The following INTS11 variants were observed in gnomAD, a reference collection of about 807,000 sequenced individuals.
The protein encoded by INTS11 is integrator complex subunit 11, also known as CPSF3-like protein.
A neutral mutation model predicts 78.6 loss-of-function variants in INTS11; 77 were observed. That is an observed-to-expected ratio of 0.98 (90% CI 0.81 to 1.18). The LOEUF (loss-of-function observed/expected upper bound fraction) is 1.18, where lower values mean the gene tolerates loss of function less well. Among genes scored for constraint, INTS11 ranks in the 50% most tolerant of loss-of-function variants. The probability of loss-of-function intolerance (pLI) is 0.00; values close to 1 mark genes in which losing one functional copy is unlikely to be tolerated. For synonymous variants in INTS11, 441 were observed against 326.9 expected (o/e 1.35, Z -3.77); for missense variants, 875 against 825.9 (o/e 1.06, Z -0.73).
intron 3 of INTS11, chr1:1,319,871 G>C (rs115771716): frequency 0.023 from 6,420 of 281,236 alleles, 121 homozygotes; most frequent in South Asian, 0.031. Context: ...ACAGACCTGA[G>C]GGCAAGGGCA....
intron 4 of INTS11, chr1:1,318,660 AAATT>A (rs1432963058): frequency 6.6e-6 from 3 of 455,896 alleles, no homozygotes; most frequent in Non-Finnish European, 1.2e-5. Flanking sequence ...AAAAAAAAAA[AAATT>A]AAAGTTTCAC....
Position 1,312,774 on chromosome 1 carries a change from C to T in INTS11, c.1294+13G>A. 6.2e-7 allele frequency: 1 copy of T among 1,602,890 alleles called. No homozygotes were observed. Among genetic ancestry groups the T allele is most frequent in the Non-Finnish European group, 8.5e-7 (1 of 1,172,872 alleles). On this transcript the variant is annotated intron_variant, in intron 12 of 16. Coordinates refer to ENST00000435064, the MANE Select transcript of INTS11 (RefSeq NM_017871.6). ...CCCGAGGTGGGCCCCACGCCGCCCG[C>T]CCGGCTGCCTACGGAGCTCCTGCTC...
Position 1,312,213 on chromosome 1 carries a change from G to GGGGGGGCCCCCCCCCCCCCCCCCC in INTS11, c.1607+12_1607+13insGGGGGGGGGGGGGGGGGGCCCCCC. On this transcript the variant is annotated intron_variant, in intron 15 of 16. Transcript: ENST00000435064. ...CCCAAGGGAGTGGGGGGGGGGCGGG[G>GGGGGGGCCCCCCCCCCCCCCCCCC]CCGGGCGCCCACCTCTTGAGGTGGC... is the stretch of plus-strand genomic sequence containing the variant. 5 of 934,480 alleles carry GGGGGGGCCCCCCCCCCCCCCCCCC rather than the reference G, an allele frequency of 5.4e-6. No individual in the cohort carries two copies. The highest frequency in any genetic ancestry group is 7.9e-6 in the Non-Finnish European group (5 of 636,552). 57.9% of individuals were successfully genotyped at this position (934,480 alleles called of 1,614,324 possible).
chr1:1,321,895 G>GAA, intron 1 of INTS11: 5 of 800,954 alleles, frequency 6.2e-6, no homozygotes, highest in African/African-American at 1.8e-5. Context: ...TTTTCCCCTT[G>GAA]AATCCCACCC....
intron 1 of INTS11, chr1:1,322,951 A>G (rs1056251241): frequency 6.0e-5 from 81 of 1,357,450 alleles, no homozygotes; most frequent in Non-Finnish European, 6.2e-5. Flanking sequence ...TTGAAGCCAC[A>G]TGAAAGATCA....
chr1:1,321,956 G>A, intron 1 of INTS11: 1 of 1,175,218 alleles, frequency 8.5e-7, no homozygotes, highest in Non-Finnish European at 1.1e-6. Context: ...CCACACATCA[G>A]GATGACGGGG....
chr1:1,313,994 C>A, intron 8 of INTS11, 73 bp from the exon 9 acceptor site: 2 of 1,467,862 alleles, frequency 1.4e-6, no homozygotes, highest in Non-Finnish European at 1.9e-6. Flanking sequence ...GGCCGGGTCA[C>A]CCCCAACACC....
chr1:1,321,440 C>T (rs570353523), intron 1 of INTS11, among the ~76,000 whole-genome samples: 4 of 152,360 alleles, frequency 2.6e-5, no homozygotes, highest in Non-Finnish European at 2.9e-5. Flanking sequence ...GCCAACACCT[C>T]GGTCAGAGTC....
chr1:1,312,661 G>A lies in INTS11; in HGVS notation c.1334C>T (p.Thr445Met), dbSNP rs140710994. The A allele has an allele frequency of 1.5e-4, 238 of 1,595,586 alleles. 1 individual carries two copies. The African/African-American group carries it at 2.0e-3, about 13-fold the overall frequency. The change falls in exon 13 of 17, where the codon ACG (threonine) becomes ATG (methionine). Residue 445 changes from threonine (T) to methionine (M), a missense_variant. Transcript: ENST00000435064. ...GGGGATGCTGGGGCTTGTGGGCAGC[G>A]TCACCGTCTCGCCATTGGCCGGCAT... ...CYMPANGETVTLPTSPSIPVG... is the reference protein window; with the variant it reads ...CYMPANGETVMLPTSPSIPVG...
At position 1,312,938 on chromosome 1, in the gene INTS11, C is replaced by CT; in HGVS notation, c.1142dup (p.Met382AspfsTer91). On this transcript the variant is annotated frameshift_variant, in exon 12 of 17. Coordinates refer to ENST00000435064, the MANE Select transcript of INTS11 (RefSeq NM_017871.6). LOFTEE classifies it high-confidence loss of function. ...TGAATGACATGTACTCCACCTGCAT[C>CT]TTGACCTCCAGCTACAGAGGCCACG... The CT allele has an allele frequency of 2.5e-6, 4 of 1,611,866 alleles. No homozygotes were observed. Among genetic ancestry groups the CT allele is most frequent in the Non-Finnish European group, 3.4e-6 (4 of 1,179,244 alleles).
chr1:1,323,367 T>G, intron 1 of INTS11: 1 of 1,459,204 alleles, frequency 6.9e-7, no homozygotes, highest in South Asian at 1.3e-5. Context: ...CCCTGGATTT[T>G]GACTAATTTT....
chr1:1,317,980 C>T (rs2100608375), intron 4 of INTS11: 1 of 152,168 alleles, frequency 6.6e-6, no homozygotes, highest in Middle Eastern at 3.4e-3. Context: ...ATTCTCCTGC[C>T]TTTCAGCCTC....
intron 1 of INTS11, among the ~76,000 whole-genome samples, 160 bp from the exon 2 acceptor site, chr1:1,321,253 G>A (rs1642930190): frequency 6.6e-6 from 1 of 152,206 alleles, no homozygotes. Context: ...CTCACAGGAA[G>A]GGGGACACAG....
chr1:1,312,431 G>T lies in INTS11; in HGVS notation c.1464+9C>A. 1 of 1,566,698 alleles carries T rather than the reference G, an allele frequency of 6.4e-7. No individual in the cohort carries two copies. Among genetic ancestry groups the T allele is most frequent in the East Asian group, 2.4e-5 (1 of 42,150 alleles). ...CCCTCCCCCCTCCAGAGACCGTCCT[G>T]GCACTCACGCTGTCCTTCATGATCA... is the stretch of plus-strand genomic sequence containing the variant. On this transcript the variant is annotated intron_variant, in intron 14 of 16. Transcript: ENST00000435064.
rs113643330 is a variant in INTS11 at position 1,312,225 on chromosome 1, C to T, written c.1607+1G>A. 3.9e-6 allele frequency: 6 copies of T among 1,524,886 alleles called. No homozygotes were observed. The highest frequency in any genetic ancestry group is 4.0e-5 in the Admixed American group (2 of 50,540). The allele number at this position is 1,524,886 out of a possible 1,614,324, so 94.5% of individuals were successfully genotyped here. A position where few individuals can be genotyped will look rare whatever the true frequency, so the allele number is the denominator to read the frequency against. Reference sequence around the variant, plus strand: ...GGGGGGGGGCGGGGCCGGGCGCCCACCTCTTGAGGTGGCTGTAGACGCGCA... The same window carrying T: ...GGGGGGGGGCGGGGCCGGGCGCCCATCTCTTGAGGTGGCTGTAGACGCGCA... On this transcript the variant is annotated splice_donor_variant, in intron 15 of 16. Transcript: ENST00000435064. LOFTEE classifies it high-confidence loss of function.
At chr1:1,318,988 G>A (rs550492180) in intron 4 of INTS11, 21 of 717,264 alleles carry the variant, frequency 2.9e-5, no homozygotes, top group African/African-American at 5.2e-5. Flanking sequence ...CGCTCCAAGC[G>A]CTCTGAGGGC....
intron 3 of INTS11, chr1:1,320,000 C>T (rs1468790038): frequency 5.3e-6 from 1 of 187,950 alleles, no homozygotes; most frequent in East Asian, 1.5e-4. Flanking sequence ...AGGGGCTTCT[C>T]CAGGCTTCAC....
At position 1,311,811 on chromosome 1, in the gene INTS11, T is replaced by C; in HGVS notation, c.*48A>G. 6.6e-7 allele frequency: 1 copy of C among 1,514,700 alleles called. No individual in the cohort carries two copies. Among genetic ancestry groups the C allele is most frequent in the Non-Finnish European group, 8.9e-7 (1 of 1,125,636 alleles). 93.8% of individuals were successfully genotyped at this position (1,514,700 alleles called of 1,614,324 possible). On this transcript the variant is annotated 3_prime_UTR_variant, in exon 17 of 17. Coordinates refer to ENST00000435064, the MANE Select transcript of INTS11 (RefSeq NM_017871.6). Reference sequence around the variant, plus strand: ...AGTCCTGAAGTGCAGGCCCAGGGTCTGTCCAGCTGGGAGAGGGCAGAGGTG... The same window carrying C: ...AGTCCTGAAGTGCAGGCCCAGGGTCCGTCCAGCTGGGAGAGGGCAGAGGTG...
intron 10 of INTS11, 27 bp from the exon 11 acceptor site, chr1:1,313,151 C>A: frequency 1.3e-6 from 2 of 1,591,658 alleles, no homozygotes; most frequent in Admixed American, 1.7e-5. Flanking sequence ...AGCTCACAGC[C>A]AGGGAACTCC....
Sources: gnomAD v4.1 joint callset for allele counts (sites outside exome capture counted in the v4.1 genomes callset) on GRCh38, gnomAD v4.1.1 for gene constraint, MANE v1.5 for transcripts, NCBI Gene and HGNC (gene_info 2026-07-23, HGNC 2026-07-21) for gene names.